The following KCNIP4 variants were observed in gnomAD, a reference collection of about 807,000 sequenced individuals.
KCNIP4 encodes the protein Kv channel-interacting protein 4.
Under a neutral mutation model 34.0 loss-of-function variants are expected in KCNIP4, and 12 were observed. The observed-to-expected ratio is 0.35, with a 90% CI of 0.23 to 0.57. The LOEUF (loss-of-function observed/expected upper bound fraction) is 0.57. KCNIP4 is among the 20% of genes least tolerant of loss of function. KCNIP4 has a pLI of 0.83. For missense variants in KCNIP4, 238 were observed against 311.7 expected, an observed-to-expected ratio of 0.76 and a Z score of 1.78; for synonymous variants, 124 against 102.2, an observed-to-expected ratio of 1.21 and a Z score of -1.29.
At chr4:21,652,698 G>A (rs1382218012) in intron 1 of KCNIP4, among the ~76,000 whole-genome samples, 1 of 152,176 alleles carries the variant, frequency 6.6e-6, no homozygotes, top group Non-Finnish European at 1.5e-5. Flanking sequence ...TTTAACTGCT[G>A]CAACAGTGTA....
intron 1 of KCNIP4, among the ~76,000 whole-genome samples, chr4:21,388,737 A>G (rs1232293602): frequency 6.6e-6 from 1 of 152,116 alleles, no homozygotes; most frequent in Non-Finnish European, 1.5e-5. Context: ...TTTCATGTAT[A>G]TTTCATTTAA....
chr4:20,950,841 GTGCACTCTC>G (rs1367868992), intron 1 of KCNIP4, among the ~76,000 whole-genome samples: 2 of 151,980 alleles, frequency 1.3e-5, no homozygotes, highest in Non-Finnish European at 2.9e-5. Flanking sequence ...TAAATGCAGG[GTGCACTCTC>G]TGCTGTTTTT....
intron 1 of KCNIP4, among the ~76,000 whole-genome samples, chr4:21,766,934 C>T (rs1262773679): frequency 1.3e-5 from 2 of 152,102 alleles, no homozygotes; most frequent in East Asian, 3.9e-4. Flanking sequence ...AAGACCCTGT[C>T]CTCTTGGGGA....
At chr4:21,013,933 C>T (rs1350469942) in intron 1 of KCNIP4, among the ~76,000 whole-genome samples, 1 of 152,032 alleles carries the variant, frequency 6.6e-6, no homozygotes, top group Non-Finnish European at 1.5e-5. Context: ...CTCTGCTGTC[C>T]TCATTATCCC....
At chr4:21,102,129 C>T (rs1164138608) in intron 1 of KCNIP4, among the ~76,000 whole-genome samples, 5 of 152,064 alleles carry the variant, frequency 3.3e-5, no homozygotes, top group Non-Finnish European at 5.9e-5. Flanking sequence ...CAATGTAATA[C>T]GATGTAGGTT....
chr4:21,557,314 T>C (rs1312698978), intron 1 of KCNIP4, among the ~76,000 whole-genome samples: 1 of 152,138 alleles, frequency 6.6e-6, no homozygotes, highest in East Asian at 1.9e-4. Flanking sequence ...CGGAATCACA[T>C]TATTTCACAG....
chr4:20,842,983 C>A (rs1217294240), intron 3 of KCNIP4, among the ~76,000 whole-genome samples: 2 of 151,558 alleles, frequency 1.3e-5, no homozygotes, highest in Non-Finnish European at 2.9e-5. Flanking sequence ...TCTTGGCTCA[C>A]TGCAACCTCC....
intron 1 of KCNIP4, among the ~76,000 whole-genome samples, chr4:21,260,889 T>G (rs1761425523): frequency 6.6e-6 from 1 of 152,212 alleles, no homozygotes; most frequent in African/African-American, 2.4e-5. Context: ...AAGTTGTCAC[T>G]ACAGCCAAGG....
At chr4:21,442,347 A>C (rs756112425) in intron 1 of KCNIP4, among the ~76,000 whole-genome samples, 3 of 152,214 alleles carry the variant, frequency 2.0e-5, no homozygotes, top group Non-Finnish European at 4.4e-5. Context: ...TGGGGTAATC[A>C]AAATCAGTTA....
At chr4:21,124,126 A>T (rs910254098) in intron 1 of KCNIP4, among the ~76,000 whole-genome samples, 8 of 151,960 alleles carry the variant, frequency 5.3e-5, no homozygotes, top group African/African-American at 1.9e-4. Context: ...AAATATATAT[A>T]TTTTTTGTTC....
At chr4:20,745,346 A>G (rs951457250) in intron 5 of KCNIP4, among the ~76,000 whole-genome samples, 7 of 152,200 alleles carry the variant, frequency 4.6e-5, no homozygotes, top group African/African-American at 1.7e-4. Flanking sequence ...AAAGATAGCT[A>G]TGGTCTTAGA....
chr4:21,205,636 A>C (rs916151434), intron 1 of KCNIP4, among the ~76,000 whole-genome samples: 2 of 152,046 alleles, frequency 1.3e-5, no homozygotes, highest in Non-Finnish European at 2.9e-5. Flanking sequence ...ACAAATACTA[A>C]CTCCTTTGTT....
rs143849103 is a variant in KCNIP4 at position 21,777,069 on chromosome 4, G to A, written c.61+171502C>T. The stretch of plus-strand genomic sequence containing the variant: ...ATTACAGGCATGAGCTACCGCACCC[G>A]GCCAAGATCTAATGGTTTTATAATG... On this transcript the variant is annotated intron_variant, in intron 1 of 8. Coordinates refer to ENST00000382152, the MANE Select transcript of KCNIP4 (RefSeq NM_025221.6). Among the ~76,000 whole-genome samples the A allele has an allele frequency of 9.1e-3, 1,384 of 152,130 alleles. 22 individuals carry two copies. The highest frequency in any genetic ancestry group is 0.038 in the South Asian group (184 of 4,804).
intron 1 of KCNIP4, among the ~76,000 whole-genome samples, chr4:21,147,750 C>A (rs1245603459): frequency 6.6e-6 from 1 of 151,734 alleles, no homozygotes; most frequent in South Asian, 2.1e-4. Flanking sequence ...ACCAGCCTGA[C>A]CAACATGGTG....
chr4:21,101,767 T>C (rs1271494797), intron 1 of KCNIP4, among the ~76,000 whole-genome samples: 1 of 152,178 alleles, frequency 6.6e-6, no homozygotes, highest in African/African-American at 2.4e-5. Flanking sequence ...TGGCATACAC[T>C]ATCATAAAGC....
chr4:21,782,922 CATT>C (rs1719661699), intron 1 of KCNIP4, among the ~76,000 whole-genome samples: 1 of 152,030 alleles, frequency 6.6e-6, no homozygotes, highest in Non-Finnish European at 1.5e-5. Flanking sequence ...CAATCTCAAA[CATT>C]ATATGATCCA....
At chr4:21,517,128 A>G (rs1456392759) in intron 1 of KCNIP4, among the ~76,000 whole-genome samples, 1 of 152,156 alleles carries the variant, frequency 6.6e-6, no homozygotes, top group African/African-American at 2.4e-5. Flanking sequence ...GAACAGCTGA[A>G]AAGTCTAACA....
At chr4:21,613,987 CAA>C (rs558647510) in intron 1 of KCNIP4, among the ~76,000 whole-genome samples, 3 of 131,940 alleles carry the variant, frequency 2.3e-5, no homozygotes, top group Non-Finnish European at 3.3e-5. Flanking sequence ...ACTAAAAATA[CAA>C]AAAAAAAAAA....
chr4:20,766,949 G>C lies in KCNIP4; in HGVS notation c.289-8059C>G, dbSNP rs1478764231. The C allele has an allele frequency of 2.0e-5, 3 of 152,258 alleles. No individual in the cohort carries two copies. The East Asian group carries it at 5.8e-4, about 29-fold the overall frequency. The allele number at this position is 152,258 out of a possible 1,614,324, so 9.4% of individuals were successfully genotyped here. On this transcript the variant is annotated intron_variant, in intron 3 of 8. Coordinates refer to ENST00000382152, the MANE Select transcript of KCNIP4 (RefSeq NM_025221.6). ...TCATTGCTCTCCTCTGTGAAACGGG[G>C]ACAGGAATTGACCTCAGAGAGCTGC...
Sources: allele counts gnomAD v4.1 joint callset (sites outside exome capture counted in the v4.1 genomes callset), GRCh38; gene constraint gnomAD v4.1.1; transcripts MANE v1.5; gene names NCBI Gene and HGNC (gene_info 2026-07-23, HGNC 2026-07-21).